Variants in LOXHD1 observed in about 807,000 individuals in gnomAD.
The protein encoded by LOXHD1 is lipoxygenase homology PLAT domains 1, also known as lipoxygenase homology domain-containing protein 1.
LOXHD1 carries 205 observed loss-of-function variants against 248.2 expected under a neutral mutation model. The ratio of observed to expected loss-of-function variants is 0.83; its 90% CI spans 0.74 to 0.93. The LOEUF (loss-of-function observed/expected upper bound fraction) is 0.93, where lower values mean the gene tolerates loss of function less well. LOXHD1 is among the 40% of genes least tolerant of loss of function. The probability of loss-of-function intolerance (pLI) is 0.00; values close to 1 mark genes in which losing one functional copy is unlikely to be tolerated. For missense variants in LOXHD1, 2,930 were observed against 2,971.6 expected, an observed-to-expected ratio of 0.99 and a Z score of 0.33; for synonymous variants, 1,113 against 1,162.8, an observed-to-expected ratio of 0.96 and a Z score of 0.87.
intron 24 of LOXHD1, among the ~76,000 whole-genome samples, chr18:46,542,160 A>C (rs1192505590): frequency 6.6e-6 from 1 of 152,190 alleles, no homozygotes; most frequent in Non-Finnish European, 1.5e-5. Flanking sequence ...TGAAATTAGT[A>C]AGAGTAAAAG....
chr18:46,562,970 G>A, intron 18 of LOXHD1, 95 bp downstream of exon 18: 1 of 1,391,680 alleles, frequency 7.2e-7, no homozygotes, highest in East Asian at 2.6e-5. Context: ...CCCATTCTCG[G>A]GTGAGTATTG....
At chr18:46,622,742 T>A (rs1346119765) in intron 4 of LOXHD1, among the ~76,000 whole-genome samples, 1 of 152,214 alleles carries the variant, frequency 6.6e-6, no homozygotes, top group Non-Finnish European at 1.5e-5. Flanking sequence ...CAGGGCCAAC[T>A]TTCCCTGCCC....
At chr18:46,647,985 A>T (rs1246322849) in intron 2 of LOXHD1, among the ~76,000 whole-genome samples, 1 of 152,218 alleles carries the variant, frequency 6.6e-6, no homozygotes, top group African/African-American at 2.4e-5. Context: ...GGCCAGGCAC[A>T]GTGGCTCACA....
chr18:46,566,457 A>G lies in LOXHD1; in HGVS notation c.2245-8T>C, dbSNP rs1380665073. The G allele has an allele frequency of 6.5e-7, 1 of 1,547,506 alleles. No homozygotes were observed. Among genetic ancestry groups the G allele is most frequent in the Non-Finnish European group, 8.7e-7 (1 of 1,146,568 alleles). Reference sequence around the variant, plus strand: ...AATCACCAGCCGGTTGATCTGAAGGAAACCCGAGTGAGGGTGAGCAAGGAG... The same window carrying G: ...AATCACCAGCCGGTTGATCTGAAGGGAACCCGAGTGAGGGTGAGCAAGGAG... On this transcript the variant is annotated splice_region_variant and splice_polypyrimidine_tract_variant and intron_variant, in intron 16 of 40. Coordinates refer to ENST00000642948, the MANE Select transcript of LOXHD1 (RefSeq NM_001384474.1).
intron 38 of LOXHD1, 128 bp from the exon 39 acceptor site, chr18:46,485,279 C>A (rs2032960224): frequency 1.9e-6 from 2 of 1,066,206 alleles, no homozygotes; most frequent in Admixed American, 2.5e-5. Context: ...GTGGGGGAGG[C>A]AGGTTAAAAG....
At chr18:46,530,468 G>A (rs1362833772) in intron 28 of LOXHD1, among the ~76,000 whole-genome samples, 1 of 152,062 alleles carries the variant, frequency 6.6e-6, no homozygotes, top group Admixed American at 6.5e-5. Context: ...TTGTGTGTTG[G>A]TGGAGAGCCA....
intron 21 of LOXHD1, 66 bp from the exon 22 acceptor site, chr18:46,547,124 G>A: frequency 6.5e-7 from 1 of 1,538,734 alleles, no homozygotes; most frequent in Non-Finnish European, 8.8e-7. Context: ...GAGCAGTCAT[G>A]GGCTGAGAAT....
intron 38 of LOXHD1, among the ~76,000 whole-genome samples, chr18:46,488,184 C>CAG (rs1484882453): frequency 1.3e-5 from 2 of 152,122 alleles, no homozygotes; most frequent in Non-Finnish European, 2.9e-5. Context: ...GGAGGGGCTG[C>CAG]AGAGAGGAAG....
At chr18:46,639,368 C>G (rs1026775440) in intron 4 of LOXHD1, among the ~76,000 whole-genome samples, 1 of 152,228 alleles carries the variant, frequency 6.6e-6, no homozygotes, top group African/African-American at 2.4e-5. Flanking sequence ...TGTGCCTATC[C>G]TTCCATCATG....
At chr18:46,572,310 C>A in intron 14 of LOXHD1, 148 bp from the exon 15 acceptor site, 1 of 751,500 alleles carries the variant, frequency 1.3e-6, no homozygotes, top group Non-Finnish European at 2.3e-6. Context: ...AGCAAAACAT[C>A]CTAGCCTGGA....
intron 37 of LOXHD1, among the ~76,000 whole-genome samples, chr18:46,490,247 C>T (rs568300580): frequency 3.6e-4 from 55 of 152,282 alleles, no homozygotes; most frequent in South Asian, 1.2e-3. Flanking sequence ...TCTTAAAGCA[C>T]AAAGAGACAC....
At position 46,489,021 on chromosome 18, in the gene LOXHD1, G is replaced by A. The variant is rs778141140; in HGVS notation, c.6000C>T (p.Arg2000=). Residue 2000 remains arginine, a synonymous_variant, in exon 38 of 41, where the codon CGC becomes CGT. Transcript: ENST00000642948. Reference sequence around the variant, plus strand: ...TCTTGTTGTTGGCACAGGCAAAGTCGCGGACCGTCTGCCCGTCACCCTCAC... The same window carrying A: ...TCTTGTTGTTGGCACAGGCAAAGTCACGGACCGTCTGCCCGTCACCCTCAC... The part of the protein sequence containing the change: ...SKSEGDGQTV[R]DFACANNKIC... The A allele has an allele frequency of 4.7e-5, 73 of 1,551,486 alleles. No individual in the cohort carries two copies. The highest frequency in any genetic ancestry group is 2.0e-4 in the Admixed American group (10 of 50,968).
Position 46,518,126 on chromosome 18 carries a change from T to C in LOXHD1, c.5399+3A>G. 1 of 1,551,448 alleles carries C rather than the reference T, an allele frequency of 6.4e-7. No individual in the cohort carries two copies. On this transcript the variant is annotated splice_donor_region_variant and intron_variant, in intron 34 of 40. Coordinates refer to ENST00000642948, the MANE Select transcript of LOXHD1 (RefSeq NM_001384474.1). Reference sequence around the variant, plus strand: ...GTGAGGGGCAGGGGCCGCCTCCAGGTACCTGGCTTTCTTTTTGTCCAGCTG... The same window carrying C: ...GTGAGGGGCAGGGGCCGCCTCCAGGCACCTGGCTTTCTTTTTGTCCAGCTG...
intron 29 of LOXHD1, among the ~76,000 whole-genome samples, chr18:46,527,051 A>C (rs2035859901): frequency 6.6e-6 from 1 of 152,108 alleles, no homozygotes; most frequent in Non-Finnish European, 1.5e-5. Context: ...ATGGGGCGTC[A>C]AAACTGGAGG....
At chr18:46,543,802 C>A (rs148127277) in intron 23 of LOXHD1, among the ~76,000 whole-genome samples, 7 of 152,292 alleles carry the variant, frequency 4.6e-5, no homozygotes, top group African/African-American at 1.7e-4. Flanking sequence ...CACCTCCATA[C>A]CCTCACAACT....
At position 46,477,797 on chromosome 18, in the gene LOXHD1, G is replaced by A. The variant is rs200198786; in HGVS notation, c.6497C>T (p.Pro2166Leu). The change falls in exon 41 of 41, where the codon CCA becomes CTA. Residue 2166 changes from proline to leucine, a missense_variant. Pro to Leu is a moderately conservative substitution (Grantham distance 98). Transcript: ENST00000642948. ...YEVIVTTGYE[P>L]GAGTDANVFV... is the part of the protein sequence containing the mutation. ...GACGTTGGCATCAGTGCCTGCCCCT[G>A]GCTCATAGCCTGTTGTCACGATGAC... 6.4e-7 allele frequency: 1 copy of A among 1,551,850 alleles called. No individual in the cohort carries two copies. Among genetic ancestry groups the A allele is most frequent in the African/African-American group, 1.4e-5 (1 of 73,196 alleles).
At chr18:46,528,633 G>A (rs925702496) in intron 29 of LOXHD1, among the ~76,000 whole-genome samples, 4 of 152,036 alleles carry the variant, frequency 2.6e-5, no homozygotes, top group Admixed American at 6.6e-5. Context: ...TGCCTCCACC[G>A]CTCCCAAGGG....
chr18:46,531,987 T>C (rs776834206), intron 28 of LOXHD1, among the ~76,000 whole-genome samples: 6 of 152,242 alleles, frequency 3.9e-5, no homozygotes, highest in Non-Finnish European at 7.3e-5. Context: ...ATAGCTGTTT[T>C]ACTTCTGGTG....
At chr18:46,521,035 GCT>G in intron 33 of LOXHD1, 60 bp downstream of exon 33, 1 of 1,512,636 alleles carries the variant, frequency 6.6e-7, no homozygotes, top group East Asian at 2.5e-5. Flanking sequence ...CTCCCCTGCT[GCT>G]CCCCACCTCA....
Sources: allele counts gnomAD v4.1 joint callset (sites outside exome capture counted in the v4.1 genomes callset), GRCh38; gene constraint gnomAD v4.1.1; transcripts MANE v1.5; gene names NCBI Gene and HGNC (gene_info 2026-07-23, HGNC 2026-07-21).